Variants in KLHL18 observed in about 807,000 individuals in gnomAD.
The protein encoded by KLHL18 is kelch like family member 18.
KLHL18 carries 38 observed loss-of-function variants against 58.5 expected under a neutral mutation model. That is an observed-to-expected ratio of 0.65 (90% CI 0.50 to 0.85). KLHL18 has a LOEUF of 0.85. Ranked by LOEUF, KLHL18 falls within the 40% of genes least tolerant of loss-of-function variation. The pLI, the probability that KLHL18 is intolerant of heterozygous loss-of-function variation, is 0.00. For missense variants in KLHL18, 624 were observed against 778.4 expected, an observed-to-expected ratio of 0.80 and a Z score of 2.36; for synonymous variants, 303 against 301.9, an observed-to-expected ratio of 1.00 and a Z score of -0.04.
At position 47,343,672 on chromosome 3, in the gene KLHL18, G is replaced by A. The variant is rs116903383; in HGVS notation, c.1456G>A (p.Asp486Asn). 38 of 1,614,008 alleles carry A rather than the reference G, an allele frequency of 2.4e-5. No individual in the cohort carries two copies. Among genetic ancestry groups the A allele is most frequent in the Non-Finnish European group, 3.1e-5 (36 of 1,180,048 alleles). ...GSKMFVCGGY[D>N]GSGFLSIAEM... Reference sequence around the variant, plus strand: ...CAAGATGTTTGTCTGCGGGGGCTACGATGGCTCTGGCTTCCTCAGCATTGC... The same window carrying A: ...CAAGATGTTTGTCTGCGGGGGCTACAATGGCTCTGGCTTCCTCAGCATTGC... Residue 486 changes from aspartate (D) to asparagine (N), a missense_variant, in exon 10 of 10, where the codon GAT becomes AAT. Asp to Asn is a conservative substitution (Grantham distance 23). Coordinates refer to ENST00000232766, the MANE Select transcript of KLHL18 (RefSeq NM_025010.5).
In KLHL18 at chr3:47,346,604, C is replaced by T. The variant is rs1396353006; in HGVS notation, c.*2663C>T. On this transcript the variant is annotated 3_prime_UTR_variant, in exon 10 of 10. Transcript: ENST00000232766. ...GCATTCACTGTCCTTGAGTGTTTCACCTTCTTGGATAACACACGGGCCTTC... is the reference window on the plus strand; with the variant it reads ...GCATTCACTGTCCTTGAGTGTTTCATCTTCTTGGATAACACACGGGCCTTC... The T allele has an allele frequency of 6.6e-6, 1 of 152,618 alleles. No individual in the cohort carries two copies. Among genetic ancestry groups the T allele is most frequent in the East Asian group, 1.9e-4 (1 of 5,196 alleles). The allele number at this position is 152,618 out of a possible 1,614,324, so 9.5% of individuals were successfully genotyped here.
At chr3:47,342,859 G>A in intron 9 of KLHL18, 29 bp downstream of exon 9, 1 of 1,477,300 alleles carries the variant, frequency 6.8e-7, no homozygotes, top group Non-Finnish European at 9.5e-7. Flanking sequence ...TGGGATAAGG[G>A]TACCTACTTC....
rs1453776875 is a variant in KLHL18, at chr3:47,334,937, C to T, written c.898+118C>T. 3.9e-6 allele frequency: 4 copies of T among 1,036,972 alleles called. No individual in the cohort carries two copies. The highest frequency in any genetic ancestry group is 5.5e-6 in the Non-Finnish European group (4 of 721,800). 64.2% of individuals were successfully genotyped at this position (1,036,972 alleles called of 1,614,324 possible). Reference sequence around the variant, plus strand: ...TTTTGTACTGTCACCACCCTTGCCCCTCTTGATTTTATACAATTGCTCTAC... The same window carrying T: ...TTTTGTACTGTCACCACCCTTGCCCTTCTTGATTTTATACAATTGCTCTAC... On this transcript the variant is annotated intron_variant, in intron 6 of 9. Transcript: ENST00000232766. The surrounding 1 kb of genome is among the most constrained non-coding windows in gnomAD (Gnocchi z 4.7).
At chr3:47,324,298 C>CTTTTTTTTTTTTTTTTGTTTTTTTTTT (rs1703660572) in intron 3 of KLHL18, among the ~76,000 whole-genome samples, 1 of 37,486 alleles carries the variant, frequency 2.7e-5, no homozygotes. Flanking sequence ...TTCTTTCTTT[C>CTTTTTTTTTTTTTTTTGTTTTTTTTTT]TTTTTTTTTT....
At chr3:47,292,349 C>T (rs1702807042) in intron 1 of KLHL18, among the ~76,000 whole-genome samples, 1 of 151,478 alleles carries the variant, frequency 6.6e-6, no homozygotes, top group African/African-American at 2.4e-5. Flanking sequence ...TGTCGCATGC[C>T]TGTAGTCCCA....
intron 2 of KLHL18, among the ~76,000 whole-genome samples, chr3:47,320,857 G>T (rs1232509727): frequency 6.6e-6 from 1 of 152,276 alleles, no homozygotes; most frequent in African/African-American, 2.4e-5. Flanking sequence ...AGGCTGCCGC[G>T]AGCTGTGATC....
intron 1 of KLHL18, among the ~76,000 whole-genome samples, chr3:47,306,304 C>T (rs533608917): frequency 6.6e-6 from 1 of 152,060 alleles, no homozygotes; most frequent in Non-Finnish European, 1.5e-5. Flanking sequence ...CATGTTGGAC[C>T]TTTGATGGAT....
chr3:47,287,254 C>T (rs10490798), intron 1 of KLHL18: 19,671 of 152,122 alleles, frequency 0.13, 1,684 homozygotes, highest in East Asian at 0.3. Context: ...GTCCGAAAGG[C>T]GGTATCACAC....
At chr3:47,310,013 A>C (rs1054186337) in intron 1 of KLHL18, among the ~76,000 whole-genome samples, 3 of 151,862 alleles carry the variant, frequency 2.0e-5, no homozygotes, top group Non-Finnish European at 4.4e-5. Context: ...GGGGAGGTTA[A>C]CTGTTCTTAA....
intron 2 of KLHL18, among the ~76,000 whole-genome samples, chr3:47,322,245 G>T (rs1452870621): frequency 1.3e-5 from 2 of 152,174 alleles, no homozygotes; most frequent in African/African-American, 2.4e-5. Context: ...CATGGGAAAG[G>T]CTTGATAAGT....
At chr3:47,341,193 G>C (rs1261557303) in intron 8 of KLHL18, among the ~76,000 whole-genome samples, 2 of 152,164 alleles carry the variant, frequency 1.3e-5, no homozygotes, top group African/African-American at 4.8e-5. Flanking sequence ...TCACCATCTT[G>C]TGGGACTCAT....
At chr3:47,304,566 A>G (rs370555360) in intron 1 of KLHL18, among the ~76,000 whole-genome samples, 11 of 152,210 alleles carry the variant, frequency 7.2e-5, no homozygotes, top group African/African-American at 2.7e-4. Context: ...TGTAAATGTA[A>G]TTTTATTTTA....
chr3:47,309,384 G>C (rs992080641), intron 1 of KLHL18, among the ~76,000 whole-genome samples: 1 of 151,730 alleles, frequency 6.6e-6, no homozygotes, highest in African/African-American at 2.4e-5. Context: ...AGACGGGGCG[G>C]CCGGGCAGAG....
chr3:47,309,684 C>G (rs1703245828), intron 1 of KLHL18, among the ~76,000 whole-genome samples: 1 of 151,324 alleles, frequency 6.6e-6, no homozygotes, highest in Admixed American at 6.6e-5. Flanking sequence ...GCCGAGATCA[C>G]GCCACTGCAC....
intron 1 of KLHL18, among the ~76,000 whole-genome samples, chr3:47,300,765 A>C (rs1368307310): frequency 1.4e-5 from 2 of 147,452 alleles, no homozygotes; most frequent in African/African-American, 5.0e-5. Context: ...TCAGCCTCCC[A>C]GGTAGCTAGG....
chr3:47,327,630 C>T (rs1417797624), intron 3 of KLHL18, among the ~76,000 whole-genome samples: 1 of 152,256 alleles, frequency 6.6e-6, no homozygotes, highest in Non-Finnish European at 1.5e-5. Flanking sequence ...GCGCTGTATT[C>T]CTCAGTGGCC....
At chr3:47,326,500 C>T (rs1559499810) in intron 3 of KLHL18, among the ~76,000 whole-genome samples, 2 of 152,154 alleles carry the variant, frequency 1.3e-5, no homozygotes, top group African/African-American at 2.4e-5. Flanking sequence ...ATATCTCCCT[C>T]CTCCTCTTGC....
intron 1 of KLHL18, 76 bp downstream of exon 1, chr3:47,283,170 AAGAG>A (rs368357141): frequency 8.1e-7 from 1 of 1,241,642 alleles, no homozygotes; most frequent in African/African-American, 1.5e-5. Flanking sequence ...GGGACAGAGA[AAGAG>A]AGGTCTAGCA....
intron 1 of KLHL18, among the ~76,000 whole-genome samples, chr3:47,288,922 C>T (rs1259204735): frequency 2.0e-5 from 3 of 152,236 alleles, no homozygotes; most frequent in African/African-American, 7.2e-5. Flanking sequence ...CTCTGGGCTG[C>T]CAGGAGCCCA....
Sources: allele counts gnomAD v4.1 joint callset (sites outside exome capture counted in the v4.1 genomes callset), GRCh38; gene constraint gnomAD v4.1.1; non-coding constraint Gnocchi (gnomAD v3.1); transcripts MANE v1.5; gene names NCBI Gene and HGNC (gene_info 2026-07-23, HGNC 2026-07-21).